GALK1: variants seen among roughly 807,000 people sequenced by gnomAD.
The protein encoded by GALK1 is galactokinase.
Under a neutral mutation model 38.6 loss-of-function variants are expected in GALK1, and 30 were observed. That is an observed-to-expected ratio of 0.78 (90% confidence interval 0.58 to 1.05). The LOEUF (loss-of-function observed/expected upper bound fraction) is 1.05. Ranked by LOEUF, GALK1 falls within the 50% of genes least tolerant of loss-of-function variation. GALK1 has a pLI of 0.00. For synonymous variants in GALK1, 240 were observed against 233.6 expected (o/e 1.03, Z -0.25); for missense variants, 512 against 540.5 (o/e 0.95, Z 0.52).
In GALK1 at chr17:75,763,013, C is replaced by A. The variant is rs982043960; in HGVS notation, c.611+1G>T. The A allele has an allele frequency of 3.1e-6, 5 of 1,612,758 alleles. No individual in the cohort carries two copies. In the Admixed American group the frequency reaches 6.7e-5, roughly 22 times the overall value. On this transcript the variant is annotated splice_donor_variant, in intron 4 of 7. Transcript: ENST00000588479. LOFTEE classifies it high-confidence loss of function. ...GAGGGGACGAGGGGAGCGAGCCCAA[C>A]CTGCAGTCAATGAGCAGCGCGTGGC...
downstream of GALK1, chr17:75,757,884 A>T: frequency 1.3e-6 from 1 of 782,402 alleles, no homozygotes; most frequent in Non-Finnish European, 2.1e-6. Flanking sequence ...AGCGGTTCTG[A>T]CATCCCCCAT....
intron 2 of GALK1, 61 bp from the exon 3 acceptor site, chr17:75,763,500 GC>G (rs1254539642): frequency 1.2e-5 from 19 of 1,536,554 alleles, no homozygotes; most frequent in South Asian, 5.9e-5. Flanking sequence ...CACAGGAAGG[GC>G]AGGTGTCCTG....
At chr17:75,756,363 G>A (rs570241886), downstream of GALK1, 1,360 of 1,575,162 alleles carry the variant, frequency 8.6e-4, 2 homozygotes, top group Middle Eastern at 3.8e-3. Context: ...GCTTAGGGAC[G>A]AGGAGGATCA....
intron 5 of GALK1, among the ~76,000 whole-genome samples, chr17:75,760,313 G>T (rs1005753456): frequency 1.3e-5 from 2 of 151,846 alleles, no homozygotes; most frequent in African/African-American, 4.8e-5. Context: ...GGCTGGTCTC[G>T]AATTCCTGAG....
In GALK1 at chr17:75,758,537, GA is replaced by G; in HGVS notation, c.855del (p.Arg286GlyfsTer10). On this transcript the variant is annotated frameshift_variant, in exon 6 of 8. Transcript: ENST00000588479. LOFTEE classifies it high-confidence loss of function. ...GCGGCCGCTGCCTGGGCCGTGCGCC[GA>G]ATCTCCCCCACCACGTGCCGGGCCC... ...FRRARHVVGE[I>X]RRTAQAAAAL... 6.3e-7 allele frequency: 1 copy of G among 1,594,260 alleles called. No individual in the cohort carries two copies. Among genetic ancestry groups the G allele is most frequent in the Non-Finnish European group, 8.5e-7 (1 of 1,175,136 alleles).
Position 75,763,029 on chromosome 17 carries a change from A to AGC in GALK1, c.594_595dup (p.Leu199ArgfsTer66). The AGC allele has an allele frequency of 1.2e-6, 2 of 1,613,036 alleles. No individual in the cohort carries two copies. The highest frequency in any genetic ancestry group is 1.7e-6 in the Non-Finnish European group (2 of 1,180,012). On this transcript the variant is annotated frameshift_variant, in exon 4 of 8. Transcript: ENST00000588479. LOFTEE classifies it high-confidence loss of function. ...CGAGCCCAACCTGCAGTCAATGAGC[A>AGC]GCGCGTGGCCTTTCTGTCCCATAAG...
At position 75,751,673 on chromosome 17, in the gene GALK1, G is replaced by A. The variant is rs747078896; in HGVS notation, c.*87C>T. On this transcript the variant is annotated 3_prime_UTR_variant, in exon 9 of 9. Transcript: ENST00000225614. The stretch of plus-strand genomic sequence containing the variant: ...GGAGAATCACTTGAACCCAGAAGGC[G>A]CAGGTTGCAGTGAACCGAGATCGTG... The A allele has an allele frequency of 1.2e-3, 266 of 218,220 alleles. 2 individuals are homozygous for A. The highest frequency in any genetic ancestry group is 1.5e-3 in the Non-Finnish European group (157 of 106,994). 13.5% of individuals were successfully genotyped at this position (218,220 alleles called of 1,614,324 possible).
downstream of GALK1, chr17:75,753,972 G>GCTC: frequency 8.0e-7 from 1 of 1,252,248 alleles, no homozygotes; most frequent in East Asian, 3.2e-5. Flanking sequence ...GGGCCCCCCG[G>GCTC]AGGTGACAGG....
downstream of GALK1, chr17:75,757,741 A>G (rs2061555084): frequency 2.6e-6 from 2 of 773,672 alleles, no homozygotes; most frequent in East Asian, 5.4e-5. Context: ...GCCCAAACCT[A>G]TTTGTAACCA....
At chr17:75,753,975 G>A, downstream of GALK1, 2 of 1,245,916 alleles carry the variant, frequency 1.6e-6, no homozygotes, top group East Asian at 3.2e-5. Flanking sequence ...CCCCCCGGAG[G>A]TGACAGGCTC....
chr17:75,754,583 G>A, downstream of GALK1: 1 of 1,613,696 alleles, frequency 6.2e-7, no homozygotes, highest in Non-Finnish European at 8.5e-7. Context: ...CAGAGCACCT[G>A]GTGAATGGCC....
Position 75,758,567 on chromosome 17 carries a change from G to T in GALK1, c.826C>A (p.Arg276=). 1 of 1,596,942 alleles carries T rather than the reference G, an allele frequency of 6.3e-7. No individual in the cohort carries two copies. The part of the protein sequence containing the change: ...ARDLVSKEGF[R]RARHVVGEIR... The stretch of plus-strand genomic sequence containing the variant: ...TCCCCCACCACGTGCCGGGCCCGCC[G>T]GAAGCCCTCTTTGCTCACCAGGTCC... Residue 276 remains arginine, a synonymous_variant, in exon 6 of 8, where the codon CGG becomes AGG. Coordinates refer to ENST00000588479, the MANE Select transcript of GALK1 (RefSeq NM_000154.2).
chr17:75,764,813 C>T, intron 1 of GALK1, 159 bp downstream of exon 1: 1 of 776,516 alleles, frequency 1.3e-6, no homozygotes, highest in South Asian at 1.7e-5. Context: ...TGGGGAACAG[C>T]CTGTCCCGGG....
At chr17:75,763,652 C>T (rs1159078791) in intron 2 of GALK1, 3 of 699,640 alleles carry the variant, frequency 4.3e-6, no homozygotes, top group Non-Finnish European at 7.3e-6. Context: ...TCTAATTGTC[C>T]TCCTGGTTTA....
intron 5 of GALK1, among the ~76,000 whole-genome samples, chr17:75,761,018 A>G (rs1426242176): frequency 6.6e-6 from 1 of 152,076 alleles, no homozygotes; most frequent in Non-Finnish European, 1.5e-5. Flanking sequence ...CCCGACCAAC[A>G]TGGTAAAACC....
In GALK1 at chr17:75,762,703, C is replaced by A. The variant is rs767790909; in HGVS notation, c.793+1G>T. On this transcript the variant is annotated splice_donor_variant, in intron 5 of 7. Transcript: ENST00000588479. LOFTEE classifies it high-confidence loss of function. The stretch of plus-strand genomic sequence containing the variant: ...GGATAGAGCACCCTGGCAGTTCTCA[C>A]CCTCTAGCTCTTCCAGTTGTACCTC... 3.7e-6 allele frequency: 6 copies of A among 1,613,594 alleles called. No homozygotes were observed. Among genetic ancestry groups the A allele is most frequent in the South Asian group, 1.1e-5 (1 of 91,082 alleles).
downstream of GALK1, chr17:75,756,819 C>T (rs372195997): frequency 9.1e-5 from 147 of 1,612,286 alleles, no homozygotes; most frequent in African/African-American, 4.8e-4. Flanking sequence ...ATGGGGATAT[C>T]GTCGGCTACC....
downstream of GALK1, chr17:75,757,145 C>G (rs373495305): frequency 2.5e-6 from 4 of 1,612,648 alleles, no homozygotes; most frequent in African/African-American, 4.0e-5. Context: ...CACCCCTCCT[C>G]GGGCCGTGCC....
At chr17:75,754,898 T>C, downstream of GALK1, 1 of 1,591,580 alleles carries the variant, frequency 6.3e-7, no homozygotes, top group Non-Finnish European at 8.6e-7. Flanking sequence ...CTGTCTGCTG[T>C]CCCCACCGCC....
Sources: allele counts gnomAD v4.1 joint callset (sites outside exome capture counted in the v4.1 genomes callset), GRCh38; gene constraint gnomAD v4.1.1; transcripts MANE v1.5; gene names NCBI Gene and HGNC (gene_info 2026-07-23, HGNC 2026-07-21).